The following APP variants were observed in gnomAD, a reference collection of about 807,000 sequenced individuals.
APP encodes the protein amyloid beta precursor protein.
A neutral mutation model predicts 101.4 loss-of-function variants in APP; 31 were observed. The ratio of observed to expected loss-of-function variants is 0.31; its 90% confidence interval spans 0.23 to 0.41. The LOEUF (loss-of-function observed/expected upper bound fraction) is 0.41. Among genes scored for constraint, APP ranks in the 10% least tolerant of loss-of-function variants. The pLI, the probability that APP is intolerant of heterozygous loss-of-function variation, is 1.00. For synonymous variants in APP, 366 were observed against 364.4 expected (o/e 1.00, Z -0.05); for missense variants, 839 against 1,003.7 (o/e 0.84, Z 2.22).
intron 6 of APP, among the ~76,000 whole-genome samples, chr21:26,000,969 T>C (rs1343465956): frequency 6.6e-6 from 1 of 151,904 alleles, no homozygotes; most frequent in Non-Finnish European, 1.5e-5. Flanking sequence ...ATCTGTATTA[T>C]TTGTATATAT....
chr21:25,885,867 C>T (rs567706369), intron 17 of APP, among the ~76,000 whole-genome samples: 10 of 152,258 alleles, frequency 6.6e-5, no homozygotes, highest in South Asian at 4.2e-4. Flanking sequence ...CTCAGCTATC[C>T]GCCTGCAGGG....
chr21:26,038,701 T>C (rs983426728), intron 5 of APP, among the ~76,000 whole-genome samples: 9 of 152,038 alleles, frequency 5.9e-5, no homozygotes, highest in Non-Finnish European at 1.2e-4. Flanking sequence ...GAGACGGAGG[T>C]TGCAGTGAGC....
chr21:26,170,686 C>A lies in APP; in HGVS notation c.-66G>T, dbSNP rs1194960796. The A allele has an allele frequency of 4.9e-6, 7 of 1,440,984 alleles. No individual in the cohort carries two copies. Among genetic ancestry groups the A allele is most frequent in the East Asian group, 5.9e-5 (2 of 34,066 alleles). The allele number at this position is 1,440,984 out of a possible 1,614,324, so 89.3% of individuals were successfully genotyped here. A position where few individuals can be genotyped will look rare whatever the true frequency, so the allele number is the denominator to read the frequency against. On this transcript the variant is annotated 5_prime_UTR_variant, in exon 1 of 18. Coordinates refer to ENST00000346798, the MANE Select transcript of APP (RefSeq NM_000484.4). The stretch of plus-strand genomic sequence containing the variant: ...TGGGATCCGCCGCGTCCTTGCTCTG[C>A]CCGCGCCGCCACCGCCGCCGTCTCC...
At chr21:26,048,899 T>A in intron 5 of APP, among the ~76,000 whole-genome samples, 1 of 152,162 alleles carries the variant, frequency 6.6e-6, no homozygotes. Context: ...AGGAAAAATA[T>A]TTCAGATGGG....
intron 3 of APP, among the ~76,000 whole-genome samples, chr21:26,061,106 G>C (rs536610864): frequency 2.0e-5 from 3 of 152,320 alleles, no homozygotes; most frequent in African/African-American, 7.2e-5. Context: ...ACCAGGATGA[G>C]AGCAGTAGAG....
chr21:26,160,940 A>C (rs1030867951), intron 1 of APP, among the ~76,000 whole-genome samples: 5 of 152,212 alleles, frequency 3.3e-5, no homozygotes, highest in Non-Finnish European at 4.4e-5. Context: ...TTCACAATAA[A>C]ATGTTCCAAA....
chr21:25,968,694 T>C (rs1308443591), intron 11 of APP, among the ~76,000 whole-genome samples: 1 of 152,080 alleles, frequency 6.6e-6, no homozygotes, highest in African/African-American at 2.4e-5. Context: ...CACGTTTAGG[T>C]TTAAAAACTG....
intron 1 of APP, among the ~76,000 whole-genome samples, chr21:26,138,166 T>C (rs2062960665): frequency 6.6e-6 from 1 of 152,162 alleles, no homozygotes; most frequent in African/African-American, 2.4e-5. Context: ...AGTAAAATGA[T>C]ATGATACCTG....
At chr21:26,025,525 T>A (rs939461421) in intron 5 of APP, among the ~76,000 whole-genome samples, 1 of 152,238 alleles carries the variant, frequency 6.6e-6, no homozygotes, top group Non-Finnish European at 1.5e-5. Context: ...GGTGAAAACA[T>A]GACCCTGGGT....
intron 13 of APP, among the ~76,000 whole-genome samples, chr21:25,946,223 T>C (rs968320799): frequency 2.6e-5 from 4 of 152,136 alleles, no homozygotes; most frequent in East Asian, 1.9e-4. Flanking sequence ...ACTGATAAAA[T>C]AGACTTCTAA....
At position 25,946,012 on chromosome 21, in the gene APP, G is replaced by A. The variant is rs934472326; in HGVS notation, c.1687+8578C>T. 4 of 416,410 alleles carry A rather than the reference G, an allele frequency of 9.6e-6. No homozygotes were observed. The Admixed American group carries it at 1.1e-4, about 11-fold the overall frequency. 25.8% of individuals were successfully genotyped at this position (416,410 alleles called of 1,614,324 possible). On this transcript the variant is annotated intron_variant, in intron 13 of 17. Coordinates refer to ENST00000346798, the MANE Select transcript of APP (RefSeq NM_000484.4). ...AGTCTTTTTCAACAAATGGTGCTGG[G>A]ACACTGGATATTTATATGCAAAAGA...
At chr21:25,888,222 T>C (rs2146221169) in intron 17 of APP, among the ~76,000 whole-genome samples, 1 of 152,286 alleles carries the variant, frequency 6.6e-6, no homozygotes, top group East Asian at 1.9e-4. Flanking sequence ...TATTTCCATG[T>C]ACTTGAGGGT....
At chr21:26,063,213 T>A (rs143301330) in intron 3 of APP, among the ~76,000 whole-genome samples, 1 of 152,340 alleles carries the variant, frequency 6.6e-6, no homozygotes, top group East Asian at 1.9e-4. Flanking sequence ...AACATCCGGA[T>A]GAACTTGTAT....
At chr21:26,139,797 G>A (rs1179271954) in intron 1 of APP, among the ~76,000 whole-genome samples, 2 of 152,122 alleles carry the variant, frequency 1.3e-5, no homozygotes, top group African/African-American at 2.4e-5. Context: ...GGAGGCTGAG[G>A]GAGGAGAATT....
At chr21:26,107,878 G>A (rs1433084030) in intron 2 of APP, among the ~76,000 whole-genome samples, 5 of 152,152 alleles carry the variant, frequency 3.3e-5, no homozygotes, top group Non-Finnish European at 7.4e-5. Flanking sequence ...AGTATCCAAA[G>A]ACATTATGTC....
At chr21:26,024,205 G>A (rs892379630) in intron 5 of APP, among the ~76,000 whole-genome samples, 5 of 152,148 alleles carry the variant, frequency 3.3e-5, no homozygotes, top group African/African-American at 1.2e-4. Flanking sequence ...ACCTAGATGT[G>A]GCAGGGGGTT....
At chr21:26,065,307 CAA>C (rs935681427) in intron 3 of APP, among the ~76,000 whole-genome samples, 1 of 151,166 alleles carries the variant, frequency 6.6e-6, no homozygotes, top group African/African-American at 2.4e-5. Flanking sequence ...TTCTAGCCTT[CAA>C]AAAAAAGTCT....
chr21:25,952,520 T>A (rs1006801325), intron 13 of APP, among the ~76,000 whole-genome samples: 1 of 152,198 alleles, frequency 6.6e-6, no homozygotes, highest in African/African-American at 2.4e-5. Context: ...CACCATCTGT[T>A]CTGTGGAAGT....
chr21:25,894,668 T>C (rs1023658638), intron 16 of APP, among the ~76,000 whole-genome samples: 5 of 152,220 alleles, frequency 3.3e-5, no homozygotes, highest in Admixed American at 1.3e-4. Flanking sequence ...TTACCTCTTA[T>C]GGATGAGCAA....
Sources: gnomAD v4.1 joint callset for allele counts (sites outside exome capture counted in the v4.1 genomes callset) on GRCh38, gnomAD v4.1.1 for gene constraint, MANE v1.5 for transcripts, NCBI Gene and HGNC (gene_info 2026-07-23, HGNC 2026-07-21) for gene names.